Variants in EPHA6 observed in about 807,000 individuals in gnomAD.
The protein encoded by EPHA6 is ephrin type-A receptor 6.
A neutral mutation model predicts 112.0 loss-of-function variants in EPHA6; 50 were observed. That is an observed-to-expected ratio of 0.45 (90% CI 0.36 to 0.56). EPHA6 has a LOEUF of 0.56. EPHA6 is among the 20% of genes least tolerant of loss of function. The probability of loss-of-function intolerance (pLI) is 0.00; values close to 1 mark genes in which losing one functional copy is unlikely to be tolerated. For missense variants in EPHA6, 1,280 were observed against 1,417.4 expected (o/e 0.90, Z 1.56); for synonymous variants, 529 against 490.7 (o/e 1.08, Z -1.03).
chr3:97,070,576 T>C (rs764428441), intron 3 of EPHA6, among the ~76,000 whole-genome samples: 3 of 152,166 alleles, frequency 2.0e-5, no homozygotes, highest in Non-Finnish European at 4.4e-5. Context: ...AGTAATGATT[T>C]TGAATTATGT....
chr3:97,699,378 C>T (rs1285848397), intron 14 of EPHA6, among the ~76,000 whole-genome samples: 1 of 152,176 alleles, frequency 6.6e-6, no homozygotes, highest in Non-Finnish European at 1.5e-5. Context: ...TACATGAGCA[C>T]AACACTGTTG....
At chr3:97,379,776 A>C (rs986010082) in intron 5 of EPHA6, among the ~76,000 whole-genome samples, 28 of 149,176 alleles carry the variant, frequency 1.9e-4, no homozygotes, top group Non-Finnish European at 5.9e-5. Flanking sequence ...AAAAAAAAAA[A>C]ATTAGAAAGG....
At chr3:97,044,600 A>T (rs2045437656) in intron 3 of EPHA6, among the ~76,000 whole-genome samples, 1 of 152,168 alleles carries the variant, frequency 6.6e-6, no homozygotes. Flanking sequence ...GATACCCATC[A>T]AAATGTTTAA....
chr3:97,691,540 GA>G (rs1332971688), intron 14 of EPHA6, among the ~76,000 whole-genome samples: 2 of 151,998 alleles, frequency 1.3e-5, no homozygotes, highest in African/African-American at 4.8e-5. Flanking sequence ...TTCATAAGTT[GA>G]ACGAGTGTGG....
At chr3:97,107,346 TC>T (rs2047598151) in intron 3 of EPHA6, among the ~76,000 whole-genome samples, 1 of 152,118 alleles carries the variant, frequency 6.6e-6, no homozygotes, top group South Asian at 2.1e-4. Flanking sequence ...CTGCTTTTAT[TC>T]CTACTCCCTT....
At chr3:97,395,493 G>A (rs1439515635) in intron 5 of EPHA6, among the ~76,000 whole-genome samples, 1 of 151,658 alleles carries the variant, frequency 6.6e-6, no homozygotes, top group African/African-American at 2.4e-5. Context: ...TGATTATACT[G>A]TCTCCTTCCT....
At chr3:97,275,657 AG>A (rs2080048523) in intron 5 of EPHA6, among the ~76,000 whole-genome samples, 1 of 152,188 alleles carries the variant, frequency 6.6e-6, no homozygotes, top group Non-Finnish European at 1.5e-5. Context: ...AGGCTTTAAA[AG>A]GCCATGCTGT....
At chr3:97,563,918 T>C (rs2093225973) in intron 11 of EPHA6, among the ~76,000 whole-genome samples, 1 of 152,214 alleles carries the variant, frequency 6.6e-6, no homozygotes, top group East Asian at 1.9e-4. Flanking sequence ...AAGCAAAGAA[T>C]GAAACAAAAT....
At chr3:97,030,910 T>A (rs2044807473) in intron 3 of EPHA6, among the ~76,000 whole-genome samples, 1 of 152,000 alleles carries the variant, frequency 6.6e-6, no homozygotes, top group Non-Finnish European at 1.5e-5. Context: ...GAAAAATGCA[T>A]GTGTGTTATT....
intron 1 of EPHA6, among the ~76,000 whole-genome samples, chr3:96,815,307 A>G (rs1475714581): frequency 6.6e-6 from 1 of 151,974 alleles, no homozygotes; most frequent in Non-Finnish European, 1.5e-5. Context: ...CGCTGTCTCC[A>G]CTGGAAGTCA....
rs184175765 is a variant in EPHA6 at position 96,965,336 on chromosome 3, A to G, written c.451-21994A>G. Among the ~76,000 whole-genome samples, 868 of 152,130 alleles carry G rather than the reference A, an allele frequency of 5.7e-3. 7 individuals carry two copies. The highest frequency in any genetic ancestry group is 0.02 in the African/African-American group (844 of 41,516). On this transcript the variant is annotated intron_variant, in intron 2 of 17. Transcript: ENST00000389672. ...CTTCTTACTTACCTACCTCCCTAAC[A>G]ATACTTGAAAAAAATTGGTTTTTCA... is the stretch of plus-strand genomic sequence containing the variant.
At chr3:97,012,625 ATT>A (rs762686976) in intron 3 of EPHA6, among the ~76,000 whole-genome samples, 13 of 131,422 alleles carry the variant, frequency 9.9e-5, no homozygotes, top group Admixed American at 3.1e-4. Context: ...ATATATATGT[ATT>A]TTTTTTTTTT....
At chr3:97,002,400 T>C (rs1387338507) in intron 3 of EPHA6, among the ~76,000 whole-genome samples, 1 of 121,336 alleles carries the variant, frequency 8.2e-6, no homozygotes, top group East Asian at 3.4e-4. Flanking sequence ...TTTTTATTCA[T>C]GAGGGTTGTT....
At chr3:97,256,440 CA>C (rs914201279) in intron 5 of EPHA6, among the ~76,000 whole-genome samples, 2 of 151,702 alleles carry the variant, frequency 1.3e-5, no homozygotes, top group Non-Finnish European at 2.9e-5. Context: ...ATTTTAAGGT[CA>C]AAAAATGCAA....
chr3:97,188,813 G>A (rs1268726468), intron 3 of EPHA6, among the ~76,000 whole-genome samples: 1 of 151,804 alleles, frequency 6.6e-6, no homozygotes, highest in South Asian at 2.1e-4. Context: ...ATGAAATTAT[G>A]TATTTCCAAG....
At chr3:97,481,867 T>A (rs73851911) in intron 9 of EPHA6, among the ~76,000 whole-genome samples, 11,463 of 152,232 alleles carry the variant, frequency 0.075, 1,348 homozygotes, top group African/African-American at 0.25. Context: ...ACCTTAAGAT[T>A]CACTGCAGGG....
intron 11 of EPHA6, among the ~76,000 whole-genome samples, chr3:97,570,932 T>G (rs1216915692): frequency 2.0e-5 from 3 of 151,848 alleles, no homozygotes; most frequent in Non-Finnish European, 4.4e-5. Context: ...CACTGTAGAG[T>G]CTAGATACCA....
At chr3:97,623,035 T>G (rs544730349) in intron 13 of EPHA6, among the ~76,000 whole-genome samples, 1 of 151,860 alleles carries the variant, frequency 6.6e-6, no homozygotes, top group Non-Finnish European at 1.5e-5. Context: ...TACAAGCATT[T>G]TCTCCCATTC....
intron 14 of EPHA6, among the ~76,000 whole-genome samples, chr3:97,652,591 G>A (rs373433470): frequency 1.3e-4 from 20 of 152,014 alleles, no homozygotes; most frequent in African/African-American, 4.6e-4. Context: ...GTTTGAGTGG[G>A]GAGCTTTCTA....
Sources: allele counts gnomAD v4.1 joint callset (sites outside exome capture counted in the v4.1 genomes callset), GRCh38; gene constraint gnomAD v4.1.1; transcripts MANE v1.5; gene names NCBI Gene and HGNC (gene_info 2026-07-23, HGNC 2026-07-21).